Variants in MAML3 observed in about 807,000 individuals in gnomAD.
MAML3 encodes mastermind-like protein 3.
Under a neutral mutation model 101.9 loss-of-function variants are expected in MAML3, and 27 were observed. That is an observed-to-expected ratio of 0.27 (90% CI 0.20 to 0.37). MAML3 has a LOEUF of 0.37. Among genes scored for constraint, MAML3 ranks in the 10% least tolerant of loss-of-function variants. The pLI is 1.00. For missense variants in MAML3, 1,316 were observed against 1,444.9 expected (o/e 0.91, Z 1.45); for synonymous variants, 501 against 555.9 (o/e 0.90, Z 1.39).
At chr4:139,837,789 G>A (rs1021542657) in intron 2 of MAML3, among the ~76,000 whole-genome samples, 27 of 151,792 alleles carry the variant, frequency 1.8e-4, no homozygotes, top group African/African-American at 4.4e-4. Context: ...GCATGGTGGC[G>A]CATGCCTGTA....
intron 2 of MAML3, among the ~76,000 whole-genome samples, chr4:139,757,784 A>ATG (rs1729683297): frequency 6.6e-6 from 1 of 151,960 alleles, no homozygotes; most frequent in Non-Finnish European, 1.5e-5. Flanking sequence ...ATTTGGCTGA[A>ATG]TGTGTCTTGC....
intron 2 of MAML3, among the ~76,000 whole-genome samples, chr4:139,842,872 G>A (rs1391240900): frequency 1.5e-5 from 2 of 137,514 alleles, no homozygotes; most frequent in Non-Finnish European, 3.0e-5. Context: ...TCCGCCTCCT[G>A]GTTCAAGTGA....
chr4:139,939,107 T>C (rs1733555776), intron 1 of MAML3, among the ~76,000 whole-genome samples: 1 of 152,226 alleles, frequency 6.6e-6, no homozygotes, highest in Non-Finnish European at 1.5e-5. Context: ...CCTATAGCTG[T>C]TATCACTGAC....
At chr4:140,033,126 T>A (rs551688956) in intron 1 of MAML3, among the ~76,000 whole-genome samples, 1 of 152,360 alleles carries the variant, frequency 6.6e-6, no homozygotes, top group East Asian at 1.9e-4. Flanking sequence ...TTTTCCTATA[T>A]GGATTGCACA....
At chr4:140,138,521 C>A (rs1263848841) in intron 1 of MAML3, among the ~76,000 whole-genome samples, 1 of 152,210 alleles carries the variant, frequency 6.6e-6, no homozygotes, top group African/African-American at 2.4e-5. Flanking sequence ...AGGGCTACTG[C>A]AGGATGGGAA....
intron 2 of MAML3, among the ~76,000 whole-genome samples, chr4:139,766,633 A>G (rs1489403096): frequency 6.6e-6 from 1 of 152,236 alleles, no homozygotes; most frequent in East Asian, 1.9e-4. Flanking sequence ...GAGTACAGCA[A>G]TAGAATGGAC....
At chr4:139,744,988 A>T (rs1413676178) in intron 2 of MAML3, among the ~76,000 whole-genome samples, 1 of 152,222 alleles carries the variant, frequency 6.6e-6, no homozygotes. Flanking sequence ...ATTCTCCTTT[A>T]TGAAATGAGG....
At chr4:139,943,035 C>T (rs574348011) in intron 1 of MAML3, among the ~76,000 whole-genome samples, 25 of 152,164 alleles carry the variant, frequency 1.6e-4, no homozygotes, top group African/African-American at 5.8e-4. Flanking sequence ...CAAAAATGTA[C>T]GATCAAAATT....
chr4:139,998,556 T>C (rs1217287923), intron 1 of MAML3, among the ~76,000 whole-genome samples: 1 of 152,226 alleles, frequency 6.6e-6, no homozygotes. Flanking sequence ...TTTGAAGTCT[T>C]TGTCTGAAAG....
intron 1 of MAML3, among the ~76,000 whole-genome samples, chr4:140,044,593 G>A (rs761463849): frequency 3.9e-5 from 6 of 152,122 alleles, no homozygotes; most frequent in South Asian, 2.1e-4. Flanking sequence ...TGCTACCAGC[G>A]GCCTCAAAGT....
At chr4:140,035,352 T>C (rs1726968261) in intron 1 of MAML3, among the ~76,000 whole-genome samples, 1 of 152,160 alleles carries the variant, frequency 6.6e-6, no homozygotes. Flanking sequence ...CGGAGTCCTT[T>C]CCAAATCAGA....
At chr4:140,106,320 G>A (rs1728350896) in intron 1 of MAML3, among the ~76,000 whole-genome samples, 1 of 151,968 alleles carries the variant, frequency 6.6e-6, no homozygotes, top group Non-Finnish European at 1.5e-5. Flanking sequence ...CCTTCTAATT[G>A]CTCTCAACTA....
Position 139,719,862 on chromosome 4 carries a change from C to T in MAML3, c.2878G>A (p.Ala960Thr). 6.2e-7 allele frequency: 1 copy of T among 1,613,856 alleles called. No homozygotes were observed. Among genetic ancestry groups the T allele is most frequent in the Non-Finnish European group, 8.5e-7 (1 of 1,179,896 alleles). The stretch of plus-strand genomic sequence containing the variant: ...AAGCTCCTCTGTTGCCAGCTTTGTG[C>T]TCCTTGCTGGACTGTTCCCATAAGG... ...QSLMGTVQQG[A>T]QSWQQRSLQG... The change falls in exon 5 of 5, where the codon GCA becomes ACA. Residue 960 changes from alanine to threonine, a missense_variant. Transcript: ENST00000509479.
chr4:139,890,558 G>A lies in MAML3; in HGVS notation c.878C>T (p.Ser293Leu). ...TCIDTSETSL[S>L]NQNKLFSDIN... The stretch of plus-strand genomic sequence containing the variant: ...GTCTGAGAACAGCTTGTTCTGATTT[G>A]AAAGAGATGTTTCTGATGTGTCTAT... Residue 293 changes from serine to leucine, a missense_variant, in exon 2 of 5, where the codon TCA (serine) becomes TTA (leucine). Transcript: ENST00000509479. The surrounding 1 kb of genome is among the most constrained non-coding windows in gnomAD (Gnocchi z 4.1). The A allele has an allele frequency of 6.2e-7, 1 of 1,614,024 alleles. No homozygotes were observed. Among genetic ancestry groups the A allele is most frequent in the Non-Finnish European group, 8.5e-7 (1 of 1,179,902 alleles).
At chr4:140,066,172 T>G (rs935173749) in intron 1 of MAML3, among the ~76,000 whole-genome samples, 9 of 152,162 alleles carry the variant, frequency 5.9e-5, no homozygotes, top group African/African-American at 2.2e-4. Context: ...CTGGTGTGTA[T>G]GAGAAGTGAA....
intron 1 of MAML3, among the ~76,000 whole-genome samples, chr4:139,958,728 T>C (rs957719825): frequency 3.9e-5 from 6 of 152,188 alleles, no homozygotes; most frequent in African/African-American, 1.2e-4. Context: ...CTGTGGTCCA[T>C]AGAACTCCAC....
intron 1 of MAML3, among the ~76,000 whole-genome samples, chr4:140,009,356 C>T (rs898659210): frequency 6.6e-6 from 1 of 152,166 alleles, no homozygotes; most frequent in Non-Finnish European, 1.5e-5. Context: ...CAAGCTTTCC[C>T]GCTGCCCTCC....
chr4:139,887,808 C>T (rs773302700), intron 2 of MAML3, among the ~76,000 whole-genome samples: 12 of 152,196 alleles, frequency 7.9e-5, no homozygotes, highest in East Asian at 1.9e-4. Flanking sequence ...CCTTCTGACA[C>T]GCCTGGGCTA....
chr4:139,825,307 T>C (rs1731043351), intron 2 of MAML3, among the ~76,000 whole-genome samples: 1 of 152,184 alleles, frequency 6.6e-6, no homozygotes, highest in African/African-American at 2.4e-5. Flanking sequence ...GAGATGTCTA[T>C]TTACTTTCTC....
Sources: gnomAD v4.1 joint callset for allele counts (sites outside exome capture counted in the v4.1 genomes callset) on GRCh38, gnomAD v4.1.1 for gene constraint, Gnocchi (gnomAD v3.1) non-coding constraint, MANE v1.5 for transcripts, NCBI Gene and HGNC (gene_info 2026-07-23, HGNC 2026-07-21) for gene names.